The following SAMMSON variants were observed in gnomAD, a reference collection of about 807,000 sequenced individuals.
SAMMSON encodes the protein survival associated mitochondrial melanoma specific oncogenic non-coding RNA, also known as long intergenic non-protein coding RNA 1212.
intron 4 of SAMMSON, among the ~76,000 whole-genome samples, chr3:70,092,377 G>A (rs943275805): frequency 3.3e-5 from 5 of 150,946 alleles, no homozygotes; most frequent in Non-Finnish European, 7.4e-5. Flanking sequence ...TGGGTCATCA[G>A]TTGCATCATT....
intron 4 of SAMMSON, among the ~76,000 whole-genome samples, chr3:70,214,465 C>T (rs766899518): frequency 3.3e-5 from 5 of 151,870 alleles, no homozygotes; most frequent in Non-Finnish European, 7.4e-5. Flanking sequence ...TATTATTCCT[C>T]CAGAAATAAT....
At chr3:70,425,209 C>A (rs886416658) in intron 2 of SAMMSON, 1 of 152,126 alleles carries the variant, frequency 6.6e-6, no homozygotes, top group Non-Finnish European at 1.5e-5. Context: ...CCTTGGTTCT[C>A]AGCTTTTTCA....
chr3:70,278,522 T>A (rs955997498), intron 6 of SAMMSON, among the ~76,000 whole-genome samples: 1 of 152,206 alleles, frequency 6.6e-6, no homozygotes, highest in Non-Finnish European at 1.5e-5. Context: ...CCGTCAAGAC[T>A]GTATGAGAGT....
intron 3 of SAMMSON, among the ~76,000 whole-genome samples, chr3:70,037,483 G>T (rs1281221894): frequency 1.3e-5 from 2 of 152,128 alleles, no homozygotes; most frequent in African/African-American, 4.8e-5. Context: ...AAGAGGATGA[G>T]CCCAACAGTC....
chr3:70,033,939 G>A (rs1269677614), intron 3 of SAMMSON, among the ~76,000 whole-genome samples: 1 of 152,142 alleles, frequency 6.6e-6, no homozygotes, highest in Non-Finnish European at 1.5e-5. Context: ...AATCTGAACA[G>A]TGTCAGTTTG....
chr3:70,115,458 A>G (rs1271478353), intron 4 of SAMMSON, among the ~76,000 whole-genome samples: 1 of 152,140 alleles, frequency 6.6e-6, no homozygotes, highest in African/African-American at 2.4e-5. Context: ...CATTTCCCCA[A>G]TATTCATGTC....
At chr3:70,118,010 C>G (rs751119139) in intron 4 of SAMMSON, among the ~76,000 whole-genome samples, 2 of 152,106 alleles carry the variant, frequency 1.3e-5, no homozygotes, top group African/African-American at 4.8e-5. Flanking sequence ...CTCCACCTCC[C>G]GGGTTCACAC....
At chr3:70,038,545 A>G (rs990991736) in intron 3 of SAMMSON, among the ~76,000 whole-genome samples, 3 of 152,160 alleles carry the variant, frequency 2.0e-5, no homozygotes, top group Non-Finnish European at 4.4e-5. Flanking sequence ...TAAATGTACT[A>G]AGACTAGTAT....
intron 7 of SAMMSON, among the ~76,000 whole-genome samples, chr3:70,313,646 G>C (rs984628415): frequency 6.6e-6 from 1 of 152,014 alleles, no homozygotes; most frequent in Non-Finnish European, 1.5e-5. Context: ...GTCTCAAGGT[G>C]GCTTGCCTCC....
At chr3:70,055,266 A>T (rs951015585) in intron 3 of SAMMSON, among the ~76,000 whole-genome samples, 6 of 152,144 alleles carry the variant, frequency 3.9e-5, no homozygotes, top group African/African-American at 1.4e-4. Context: ...ATATGTTTGA[A>T]GTTTCCATAA....
intron 3 of SAMMSON, among the ~76,000 whole-genome samples, chr3:70,064,988 C>T (rs760415463): frequency 3.9e-5 from 6 of 152,160 alleles, no homozygotes; most frequent in Non-Finnish European, 7.4e-5. Context: ...ATGTAATGTA[C>T]TGAGCCAGAA....
intron 3 of SAMMSON, among the ~76,000 whole-genome samples, chr3:70,051,186 T>C (rs2067144801): frequency 6.8e-6 from 1 of 146,184 alleles, no homozygotes; most frequent in African/African-American, 2.5e-5. Context: ...CAGCAGATTG[T>C]TAGAGAAGGT....
chr3:70,273,645 G>A (rs530324282), intron 6 of SAMMSON, among the ~76,000 whole-genome samples: 1 of 152,180 alleles, frequency 6.6e-6, no homozygotes, highest in South Asian at 2.1e-4. Context: ...GGAGGAAAAG[G>A]CAAGGTACAG....
At chr3:70,082,232 T>G (rs1201482594) in intron 4 of SAMMSON, among the ~76,000 whole-genome samples, 1 of 152,196 alleles carries the variant, frequency 6.6e-6, no homozygotes, top group African/African-American at 2.4e-5. Flanking sequence ...ATAAGAACAG[T>G]GCTGCTTCTG....
Position 70,061,231 on chromosome 3 carries a change from G to A in SAMMSON, n.418-10245G>A, listed in dbSNP as rs949390213. ...TTGCGTGTGTTGTGGTTGAGATACC[G>A]ACAGGACCTCCAGTTGGGACTGCCT... On this transcript the variant is annotated intron_variant and non_coding_transcript_variant, in intron 3 of 9. Coordinates refer to ENST00000642114, the Ensembl canonical transcript of SAMMSON. Among the ~76,000 whole-genome samples, 9 of 151,980 alleles carry A rather than the reference G, an allele frequency of 5.9e-5. No individual in the cohort carries two copies. In the South Asian group the frequency reaches 1.2e-3, roughly 21 times the overall value.
chr3:70,122,326 G>A (rs1448529517), intron 4 of SAMMSON, among the ~76,000 whole-genome samples: 1 of 152,046 alleles, frequency 6.6e-6, no homozygotes, highest in African/African-American at 2.4e-5. Flanking sequence ...TTGAGTAGCT[G>A]GGACTACAGG....
rs140331650 is a variant in SAMMSON, at chr3:70,252,507, G to T, written n.674+2837G>T. Among the ~76,000 whole-genome samples the T allele has an allele frequency of 1.6e-4, 25 of 152,248 alleles. No homozygotes were observed. The East Asian group carries it at 4.8e-3, about 29-fold the overall frequency. ...TCAGAGAGAATAATAAGTTACAAAC[G>T]TGATTCAAGGTTACAATTGCAAAAG... On this transcript the variant is annotated intron_variant and non_coding_transcript_variant, in intron 6 of 9. Transcript: ENST00000642114.
intron 3 of SAMMSON, among the ~76,000 whole-genome samples, chr3:70,045,014 AT>A (rs1559779648): frequency 0.012 from 1,621 of 129,720 alleles, 65 homozygotes; most frequent in African/African-American, 0.044. Flanking sequence ...TTATATATAT[AT>A]AATTAATTAT....
At chr3:70,281,207 A>T (rs1347222250) in intron 6 of SAMMSON, among the ~76,000 whole-genome samples, 1 of 152,150 alleles carries the variant, frequency 6.6e-6, no homozygotes, top group East Asian at 1.9e-4. Context: ...GAAGGATCAT[A>T]TTAAAGTTCA....
Sources: gnomAD v4.1 joint callset for allele counts (sites outside exome capture counted in the v4.1 genomes callset) on GRCh38, gnomAD v4.1.1 for gene constraint, MANE v1.5 for transcripts, NCBI Gene and HGNC (gene_info 2026-07-23, HGNC 2026-07-21) for gene names.